Variants in MIPOL1 observed in about 807,000 individuals in gnomAD.
MIPOL1 encodes mirror-image polydactyly gene 1 protein.
Under a neutral mutation model 60.9 loss-of-function variants are expected in MIPOL1, and 57 were observed. The ratio of observed to expected loss-of-function variants is 0.94; its 90% CI spans 0.76 to 1.17. MIPOL1 has a LOEUF of 1.17. Ranked by LOEUF, MIPOL1 falls within the 50% of genes most tolerant of loss-of-function variation. The pLI is 0.00. For synonymous variants in MIPOL1, 179 were observed against 168.8 expected (o/e 1.06, Z -0.47); for missense variants, 551 against 511.6 (o/e 1.08, Z -0.74).
rs5807951 is a variant in MIPOL1, at chr14:37,407,842, C to CTTTTTTTTTTTTTTTT, written c.937-15011_937-15010insTTTTTTTTTTTTTTTT. Among the ~76,000 whole-genome samples the CTTTTTTTTTTTTTTTT allele has an allele frequency of 2.8e-4, 16 of 58,054 alleles. 3 individuals are homozygous for CTTTTTTTTTTTTTTTT. The highest frequency in any genetic ancestry group is 4.3e-4 in the Non-Finnish European group (14 of 32,896). 38.1% of individuals were successfully genotyped at this position (58,054 alleles called of 152,430 possible). ...ATTTTTTCTTTTCTTTCTTCTTCTT[C>CTTTTTTTTTTTTTTTT]TTCTTTTTTTTTTTTTTTTTTTTTG... is the stretch of plus-strand genomic sequence containing the variant. On this transcript the variant is annotated intron_variant, in intron 10 of 12. Transcript: ENST00000684589.
At chr14:37,496,828 G>A in intron 11 of MIPOL1, among the ~76,000 whole-genome samples, 1 of 152,170 alleles carries the variant, frequency 6.6e-6, no homozygotes, top group Non-Finnish European at 1.5e-5. Context: ...AACCAAAAAA[G>A]AGTCTGCATC....
At chr14:37,224,903 A>T (rs10140175) in intron 1 of MIPOL1, among the ~76,000 whole-genome samples, 68,423 of 152,002 alleles carry the variant, frequency 0.45, 17,885 homozygotes, top group African/African-American at 0.73. Context: ...CTAGATATAA[A>T]GGGGGTATAG....
intron 11 of MIPOL1, among the ~76,000 whole-genome samples, chr14:37,440,054 C>T (rs776156753): frequency 6.6e-6 from 1 of 152,014 alleles, no homozygotes; most frequent in Admixed American, 6.6e-5. Flanking sequence ...ACTATGTTAT[C>T]CTAGCTGGTC....
At chr14:37,200,888 G>A (rs1264834908) in intron 1 of MIPOL1, among the ~76,000 whole-genome samples, 2 of 83,102 alleles carry the variant, frequency 2.4e-5, no homozygotes, top group African/African-American at 1.6e-4. Flanking sequence ...GTGTGTGTGT[G>A]TGTGTGTGTG....
intron 6 of MIPOL1, among the ~76,000 whole-genome samples, chr14:37,279,229 T>C (rs1414072003): frequency 6.7e-6 from 1 of 150,034 alleles, no homozygotes; most frequent in East Asian, 1.9e-4. Context: ...AGCTTCTATT[T>C]AACAGTTAAG....
intron 10 of MIPOL1, among the ~76,000 whole-genome samples, chr14:37,415,278 G>A (rs2093745558): frequency 6.6e-6 from 1 of 151,976 alleles, no homozygotes; most frequent in South Asian, 2.1e-4. Context: ...AATAATTCTT[G>A]TACCAATTTA....
chr14:37,321,374 A>G (rs1035686163), intron 9 of MIPOL1, among the ~76,000 whole-genome samples: 3 of 151,980 alleles, frequency 2.0e-5, no homozygotes, highest in Admixed American at 6.6e-5. Flanking sequence ...TATGTTGCTT[A>G]ATATTAAAAC....
intron 10 of MIPOL1, among the ~76,000 whole-genome samples, chr14:37,399,501 A>T (rs906369693): frequency 3.9e-5 from 6 of 152,162 alleles, no homozygotes; most frequent in African/African-American, 1.4e-4. Flanking sequence ...CATTGGAGTT[A>T]TCATCATTCT....
At chr14:37,366,408 C>A (rs1955933) in intron 9 of MIPOL1, among the ~76,000 whole-genome samples, 147,001 of 152,096 alleles carry the variant, frequency 0.97, 71,123 homozygotes, top group East Asian at 1. Flanking sequence ...TCATCGACCC[C>A]CTGGTCATTC....
intron 9 of MIPOL1, among the ~76,000 whole-genome samples, chr14:37,365,236 A>G (rs1355412455): frequency 6.6e-6 from 1 of 152,166 alleles, no homozygotes; most frequent in Non-Finnish European, 1.5e-5. Context: ...TAGTACTTCC[A>G]GTACTATGTT....
chr14:37,222,000 TAAATAAAC>T (rs1305709818), intron 1 of MIPOL1, among the ~76,000 whole-genome samples: 1 of 151,808 alleles, frequency 6.6e-6, no homozygotes, highest in African/African-American at 2.4e-5. Flanking sequence ...AATAAATAAA[TAAATAAAC>T]AAACAAATCA....
At chr14:37,476,762 T>C (rs547075256) in intron 11 of MIPOL1, among the ~76,000 whole-genome samples, 1 of 152,156 alleles carries the variant, frequency 6.6e-6, no homozygotes, top group East Asian at 1.9e-4. Flanking sequence ...CAGGTTTGCA[T>C]ACCTGGAATA....
intron 10 of MIPOL1, among the ~76,000 whole-genome samples, chr14:37,370,859 A>G (rs1485947394): frequency 1.3e-5 from 2 of 152,302 alleles, no homozygotes; most frequent in East Asian, 1.9e-4. Flanking sequence ...TTTAAAATGT[A>G]TACTTGCAAA....
At chr14:37,427,517 G>A (rs1170421515) in intron 11 of MIPOL1, among the ~76,000 whole-genome samples, 1 of 152,142 alleles carries the variant, frequency 6.6e-6, no homozygotes, top group African/African-American at 2.4e-5. Context: ...AATATTGTCA[G>A]TATACTTACT....
At chr14:37,381,756 T>A (rs1322246108) in intron 10 of MIPOL1, among the ~76,000 whole-genome samples, 5 of 151,584 alleles carry the variant, frequency 3.3e-5, no homozygotes, top group Admixed American at 6.6e-5. Flanking sequence ...CTAATTTTTT[T>A]TTTTTTTATT....
intron 11 of MIPOL1, among the ~76,000 whole-genome samples, chr14:37,445,097 A>T (rs1051006360): frequency 6.6e-6 from 1 of 152,172 alleles, no homozygotes; most frequent in African/African-American, 2.4e-5. Context: ...AGGAGAAGAC[A>T]ATAAAGGGTA....
At chr14:37,381,891 G>C (rs760961042) in intron 10 of MIPOL1, among the ~76,000 whole-genome samples, 2 of 151,840 alleles carry the variant, frequency 1.3e-5, no homozygotes, top group Non-Finnish European at 2.9e-5. Flanking sequence ...TGCTTGACCT[G>C]AATTAGAATA....
At position 37,459,679 on chromosome 14, in the gene MIPOL1, A is replaced by G. The variant is rs112349778; in HGVS notation, c.1031+36730A>G. 7.3e-3 allele frequency among the ~76,000 whole-genome samples: 1,109 copies of G among 152,312 alleles called. 14 individuals carry two copies. Among genetic ancestry groups the G allele is most frequent in the African/African-American group, 0.025 (1,040 of 41,564 alleles). On this transcript the variant is annotated intron_variant, in intron 11 of 12. Transcript: ENST00000684589. ...CCCTAACCCGTTCTATGAAACCATC[A>G]TCACCCTAATAGCAAAGCCAGGGAA...
intron 9 of MIPOL1, among the ~76,000 whole-genome samples, chr14:37,355,499 T>C (rs1478030559): frequency 6.6e-6 from 1 of 151,330 alleles, no homozygotes; most frequent in East Asian, 1.9e-4. Context: ...TCCTGCAGAG[T>C]GTTTTCCAAC....
Sources: allele counts gnomAD v4.1 joint callset (sites outside exome capture counted in the v4.1 genomes callset), GRCh38; gene constraint gnomAD v4.1.1; transcripts MANE v1.5; gene names NCBI Gene and HGNC (gene_info 2026-07-23, HGNC 2026-07-21).